NTM: variants seen among roughly 807,000 people sequenced by gnomAD.
NTM encodes IgLON family member 2.
NTM carries 13 observed loss-of-function variants against 42.1 expected under a neutral mutation model. That is an observed-to-expected ratio of 0.31 (90% CI 0.20 to 0.49). The LOEUF is 0.49. NTM is among the 20% of genes least tolerant of loss of function. The pLI is 0.99. For missense variants in NTM, 373 were observed against 452.8 expected, an observed-to-expected ratio of 0.82 and a Z score of 1.60; for synonymous variants, 187 against 179.2, an observed-to-expected ratio of 1.04 and a Z score of -0.35.
At chr11:131,556,181 G>GA (rs2055385555) in intron 1 of NTM, among the ~76,000 whole-genome samples, 1 of 152,150 alleles carries the variant, frequency 6.6e-6, no homozygotes. Context: ...AAAGGAGGAT[G>GA]CCTCTAATGT....
intron 7 of NTM, chr11:132,317,590 G>T: frequency 1.1e-6 from 1 of 893,758 alleles, no homozygotes; most frequent in Non-Finnish European, 1.6e-6. Context: ...CAAATATATA[G>T]CACTGTATAT....
At chr11:131,795,101 T>A (rs2091410740) in intron 1 of NTM, 1 of 554,534 alleles carries the variant, frequency 1.8e-6, no homozygotes, top group Non-Finnish European at 2.3e-6. Flanking sequence ...ATCTTGTTTA[T>A]TCTTTACTTT....
At chr11:132,142,113 G>A (rs2069294141) in intron 2 of NTM, among the ~76,000 whole-genome samples, 1 of 152,182 alleles carries the variant, frequency 6.6e-6, no homozygotes, top group Admixed American at 6.5e-5. Flanking sequence ...CGGTATATCT[G>A]GAGGTTGTGG....
intron 2 of NTM, among the ~76,000 whole-genome samples, chr11:132,041,680 T>C (rs1594036202): frequency 6.6e-6 from 1 of 152,208 alleles, no homozygotes; most frequent in East Asian, 1.9e-4. Context: ...TCATGGCTGA[T>C]GACAGCATCT....
intron 3 of NTM, among the ~76,000 whole-genome samples, chr11:132,175,738 C>A (rs138315892): frequency 1.3e-3 from 194 of 152,234 alleles, no homozygotes; most frequent in African/African-American, 4.4e-3. Context: ...CAGGTGCCCG[C>A]CACCATGCCT....
chr11:131,809,777 A>T (rs904248005), intron 1 of NTM, among the ~76,000 whole-genome samples: 6 of 152,172 alleles, frequency 3.9e-5, no homozygotes, highest in African/African-American at 1.4e-4. Context: ...CTTGTCAAAG[A>T]CGTGGGCCAG....
At chr11:131,660,327 A>G in intron 1 of NTM, 1 of 363,692 alleles carries the variant, frequency 2.7e-6, no homozygotes, top group Admixed American at 3.5e-5. Flanking sequence ...CAGGATGAAG[A>G]GGGGGATGGA....
At chr11:132,079,028 G>C (rs1025455647) in intron 2 of NTM, among the ~76,000 whole-genome samples, 1 of 152,146 alleles carries the variant, frequency 6.6e-6, no homozygotes, top group Non-Finnish European at 1.5e-5. Context: ...TCATGGGGTC[G>C]ACCCAGTGGC....
At chr11:132,253,189 A>G (rs967615710) in intron 4 of NTM, among the ~76,000 whole-genome samples, 1 of 152,118 alleles carries the variant, frequency 6.6e-6, no homozygotes, top group Admixed American at 6.5e-5. Context: ...CTATCTCACT[A>G]TCTGATGATG....
chr11:131,961,863 C>T (rs1192654055), intron 2 of NTM, among the ~76,000 whole-genome samples: 3 of 152,002 alleles, frequency 2.0e-5, no homozygotes, highest in Non-Finnish European at 4.4e-5. Context: ...CAGTGGTAGT[C>T]CCTGCATTCG....
intron 4 of NTM, among the ~76,000 whole-genome samples, chr11:132,284,610 C>T (rs2094148877): frequency 6.6e-6 from 1 of 152,070 alleles, no homozygotes; most frequent in South Asian, 2.1e-4. Context: ...TGGGACCCTG[C>T]TTCCAAATGC....
At chr11:131,570,728 C>T (rs1005837394) in intron 1 of NTM, among the ~76,000 whole-genome samples, 7 of 152,192 alleles carry the variant, frequency 4.6e-5, no homozygotes, top group African/African-American at 1.7e-4. Flanking sequence ...GAGCCTGAGG[C>T]ACGAGAATCA....
chr11:132,172,571 T>C (rs2076259727), intron 3 of NTM, among the ~76,000 whole-genome samples: 1 of 152,188 alleles, frequency 6.6e-6, no homozygotes, highest in Admixed American at 6.5e-5. Flanking sequence ...ATGTCAATAA[T>C]TAAAAGCCAA....
chr11:131,624,348 A>G (rs1352896903), intron 1 of NTM, among the ~76,000 whole-genome samples: 2 of 152,182 alleles, frequency 1.3e-5, no homozygotes, highest in Non-Finnish European at 2.9e-5. Flanking sequence ...AGATCATGGC[A>G]GCACAGTGGT....
chr11:131,378,501 A>T (rs533548464), intron 1 of NTM, among the ~76,000 whole-genome samples: 1 of 152,334 alleles, frequency 6.6e-6, no homozygotes, highest in East Asian at 1.9e-4. Flanking sequence ...GTGTGCGTGC[A>T]AACTCTACGT....
At chr11:132,292,399 C>T (rs2094475226) in intron 4 of NTM, among the ~76,000 whole-genome samples, 1 of 152,130 alleles carries the variant, frequency 6.6e-6, no homozygotes, top group South Asian at 2.1e-4. Flanking sequence ...TCTATTCTCC[C>T]TCCTCCGGCC....
At chr11:131,532,977 G>A (rs1056054096) in intron 1 of NTM, among the ~76,000 whole-genome samples, 1 of 151,802 alleles carries the variant, frequency 6.6e-6, no homozygotes, top group Non-Finnish European at 1.5e-5. Context: ...ATCTAGTATT[G>A]GAACAAAATG....
intron 2 of NTM, among the ~76,000 whole-genome samples, chr11:132,021,265 ATT>A (rs1030357696): frequency 6.6e-6 from 1 of 151,850 alleles, no homozygotes; most frequent in Non-Finnish European, 1.5e-5. Context: ...CTACATATGG[ATT>A]TTTTTGTTGT....
intron 2 of NTM, among the ~76,000 whole-genome samples, chr11:132,122,812 C>G (rs2065056395): frequency 6.6e-6 from 1 of 152,154 alleles, no homozygotes; most frequent in African/African-American, 2.4e-5. Flanking sequence ...TTGCCCTGTT[C>G]AGAATTTTTC....
Sources: gnomAD v4.1 joint callset for allele counts (sites outside exome capture counted in the v4.1 genomes callset) on GRCh38, gnomAD v4.1.1 for gene constraint, MANE v1.5 for transcripts, NCBI Gene and HGNC (gene_info 2026-07-23, HGNC 2026-07-21) for gene names.